Variants in COL11A1 observed in about 807,000 individuals in gnomAD.
COL11A1 encodes collagen alpha-1(XI) chain.
In COL11A1, 74 loss-of-function variants were observed where a neutral mutation model predicts 265.2. That is an observed-to-expected ratio of 0.28 (90% CI 0.23 to 0.34). The LOEUF (loss-of-function observed/expected upper bound fraction) is 0.34, where lower values mean the gene tolerates loss of function less well. Ranked by LOEUF, COL11A1 falls within the 10% of genes least tolerant of loss-of-function variation. The probability of loss-of-function intolerance (pLI) is 1.00; values close to 1 mark genes in which losing one functional copy is unlikely to be tolerated. For synonymous variants in COL11A1, 816 were observed against 727.6 expected, an observed-to-expected ratio of 1.12 and a Z score of -1.96; for missense variants, 2,165 against 2,263.6, an observed-to-expected ratio of 0.96 and a Z score of 0.88.
At chr1:102,991,033 A>AAAAAC (rs997298010) in intron 28 of COL11A1, among the ~76,000 whole-genome samples, 2 of 152,074 alleles carry the variant, frequency 1.3e-5, no homozygotes, top group East Asian at 1.9e-4. Flanking sequence ...ACTCCATCTC[A>AAAAAC]AAAACAAAAC....
intron 42 of COL11A1, among the ~76,000 whole-genome samples, chr1:102,946,085 C>A (rs1429788463): frequency 7.4e-6 from 1 of 134,758 alleles, no homozygotes; most frequent in South Asian, 2.7e-4. Context: ...GGACAAAAAA[C>A]CAAACACCAG....
At chr1:102,967,101 A>G (rs12755987) in intron 37 of COL11A1, among the ~76,000 whole-genome samples, 89,732 of 151,836 alleles carry the variant, frequency 0.59, 29,766 homozygotes, top group East Asian at 0.91. Flanking sequence ...CTCTTATCCT[A>G]GTAGACCTGT....
rs564250207 is a variant in COL11A1 at position 102,921,373 on chromosome 1, G to A, written c.3708+145C>T. ...CATTTATTTCATTGTATAATAAAGTGGAGTGAATAGGTGACCCTTGAGTTC... is the reference window on the plus strand; with the variant it reads ...CATTTATTTCATTGTATAATAAAGTAGAGTGAATAGGTGACCCTTGAGTTC... On this transcript the variant is annotated intron_variant, in intron 48 of 66. Transcript: ENST00000370096. The A allele has an allele frequency of 1.6e-5, 10 of 608,126 alleles. No individual in the cohort carries two copies. The South Asian group carries it at 2.3e-4, about 14-fold the overall frequency. 37.7% of individuals were successfully genotyped at this position (608,126 alleles called of 1,614,324 possible).
chr1:103,015,519 C>T, intron 12 of COL11A1, 149 bp downstream of exon 12: 1 of 547,744 alleles, frequency 1.8e-6, no homozygotes, highest in Non-Finnish European at 3.1e-6. Context: ...GTAAAATTTC[C>T]CTGAATTTCC....
At position 102,935,018 on chromosome 1, in the gene COL11A1, G is replaced by A. The variant is rs755604716; in HGVS notation, c.3492+42C>T. 3.1e-6 allele frequency: 5 copies of A among 1,589,120 alleles called. No individual in the cohort carries two copies. The African/African-American group carries it at 5.4e-5, about 17-fold the overall frequency. On this transcript the variant is annotated intron_variant, in intron 45 of 66. Coordinates refer to ENST00000370096, the MANE Select transcript of COL11A1 (RefSeq NM_001854.4). The stretch of plus-strand genomic sequence containing the variant: ...GACAGTATACAAATTTAATCAGGGA[G>A]CTGTAAGGATTTAGATTTGCTGAAC...
At chr1:103,045,547 C>T (rs1400771102) in intron 4 of COL11A1, among the ~76,000 whole-genome samples, 1 of 151,976 alleles carries the variant, frequency 6.6e-6, no homozygotes, top group Non-Finnish European at 1.5e-5. Context: ...GTAGTTTATG[C>T]TTTAAAAACA....
intron 1 of COL11A1, among the ~76,000 whole-genome samples, chr1:103,102,952 CAT>C (rs1273240147): frequency 1.3e-5 from 2 of 151,988 alleles, no homozygotes; most frequent in Non-Finnish European, 2.9e-5. Flanking sequence ...TGCAATTTCA[CAT>C]GTGGTAATTA....
intron 31 of COL11A1, 80 bp downstream of exon 31, chr1:102,984,058 T>C: frequency 9.8e-7 from 1 of 1,025,434 alleles, no homozygotes; most frequent in East Asian, 2.5e-5. Context: ...ATAGAGATGT[T>C]ACAAATTGTA....
intron 55 of COL11A1, 64 bp from the exon 56 acceptor site, chr1:102,898,837 A>G (rs574423112): frequency 6.7e-7 from 1 of 1,488,512 alleles, no homozygotes; most frequent in Non-Finnish European, 9.3e-7. Flanking sequence ...ATTTTATTAA[A>G]TGCACTGAAA....
At chr1:102,915,395 T>G (rs1302888882) in intron 50 of COL11A1, among the ~76,000 whole-genome samples, 1 of 152,212 alleles carries the variant, frequency 6.6e-6, no homozygotes, top group Non-Finnish European at 1.5e-5. Context: ...AAACAGCCCA[T>G]AGTTTTAATG....
intron 4 of COL11A1, among the ~76,000 whole-genome samples, chr1:103,072,274 T>C (rs550708331): frequency 6.6e-6 from 1 of 151,966 alleles, no homozygotes; most frequent in African/African-American, 2.4e-5. Flanking sequence ...CCATGTTTAA[T>C]ATTTTTACCA....
intron 50 of COL11A1, 34 bp downstream of exon 50, chr1:102,915,597 T>C: frequency 3.8e-6 from 6 of 1,584,822 alleles, no homozygotes; most frequent in Non-Finnish European, 5.2e-6. Context: ...CCCAAACCAA[T>C]AATACACTAT....
At chr1:102,936,352 TGACA>T (rs1435008312) in intron 44 of COL11A1, among the ~76,000 whole-genome samples, 1 of 151,690 alleles carries the variant, frequency 6.6e-6, no homozygotes, top group Non-Finnish European at 1.5e-5. Context: ...AAAGAGCGGC[TGACA>T]GAAAAACTAT....
intron 41 of COL11A1, among the ~76,000 whole-genome samples, chr1:102,956,095 C>T (rs1660348470): frequency 6.6e-6 from 1 of 152,250 alleles, no homozygotes; most frequent in South Asian, 2.1e-4. Context: ...ACTCCCAGGA[C>T]CAAAACCTTT....
intron 37 of COL11A1, among the ~76,000 whole-genome samples, chr1:102,965,972 C>T (rs559725857): frequency 2.8e-4 from 42 of 152,248 alleles, no homozygotes; most frequent in African/African-American, 9.9e-4. Context: ...CCAAAAATCT[C>T]ATAAAACAAG....
At chr1:103,030,850 C>T in intron 5 of COL11A1, 1 of 410,946 alleles carries the variant, frequency 2.4e-6, no homozygotes, top group Non-Finnish European at 4.6e-6. Context: ...TTCTTCTCAC[C>T]CCCTCCAAAA....
intron 36 of COL11A1, among the ~76,000 whole-genome samples, chr1:102,972,627 A>G (rs948698637): frequency 6.6e-6 from 1 of 152,176 alleles, no homozygotes; most frequent in African/African-American, 2.4e-5. Flanking sequence ...TCTATGTAAA[A>G]GTAATAATTT....
chr1:103,025,879 G>A, intron 6 of COL11A1: 1 of 1,613,214 alleles, frequency 6.2e-7, no homozygotes, highest in Non-Finnish European at 8.5e-7. Flanking sequence ...TTTGGGGGGT[G>A]TAAACTTTTT....
At chr1:102,952,669 T>C (rs1660003790) in intron 41 of COL11A1, among the ~76,000 whole-genome samples, 1 of 152,242 alleles carries the variant, frequency 6.6e-6, no homozygotes, top group African/African-American at 2.4e-5. Flanking sequence ...TATTAGTTAC[T>C]TCAAACACTC....
Sources: gnomAD v4.1 joint callset for allele counts (sites outside exome capture counted in the v4.1 genomes callset) on GRCh38, gnomAD v4.1.1 for gene constraint, MANE v1.5 for transcripts, NCBI Gene and HGNC (gene_info 2026-07-23, HGNC 2026-07-21) for gene names.